Variants in ATXN2 observed in about 807,000 individuals in gnomAD.
ATXN2 encodes ataxin 2.
Under a neutral mutation model 138.6 loss-of-function variants are expected in ATXN2, and 37 were observed. The ratio of observed to expected loss-of-function variants is 0.27; its 90% CI spans 0.21 to 0.35. ATXN2 has a LOEUF of 0.35. ATXN2 is among the 10% of genes least tolerant of loss of function. The pLI, the probability that ATXN2 is intolerant of heterozygous loss-of-function variation, is 1.00. For missense variants in ATXN2, 1,216 were observed against 1,480.3 expected (o/e 0.82, Z 2.93); for synonymous variants, 549 against 543.7 (o/e 1.01, Z -0.13).
chr12:111,493,984 G>A (rs1382420509), intron 14 of ATXN2, among the ~76,000 whole-genome samples: 1 of 151,972 alleles, frequency 6.6e-6, no homozygotes. Context: ...AGACTGGAGT[G>A]CAGTGGCGCA....
intron 1 of ATXN2, among the ~76,000 whole-genome samples, chr12:111,566,754 A>C (rs1173141838): frequency 6.6e-6 from 1 of 151,840 alleles, no homozygotes. Context: ...CTCCTGCCTC[A>C]GTCTCCCAAG....
intron 14 of ATXN2, among the ~76,000 whole-genome samples, chr12:111,502,160 T>A (rs916034842): frequency 6.6e-6 from 1 of 152,218 alleles, no homozygotes; most frequent in African/African-American, 2.4e-5. Flanking sequence ...CCCAAAGTGC[T>A]AAGATTCAGG....
chr12:111,501,842 G>C (rs1878789300), intron 14 of ATXN2, among the ~76,000 whole-genome samples: 1 of 151,842 alleles, frequency 6.6e-6, no homozygotes, highest in African/African-American at 2.4e-5. Context: ...TTTTGGTGTT[G>C]CTTTTTCTTA....
chr12:111,491,389 C>T (rs1332113809), intron 14 of ATXN2, among the ~76,000 whole-genome samples: 1 of 152,086 alleles, frequency 6.6e-6, no homozygotes, highest in East Asian at 1.9e-4. Context: ...CTGTGCTGGG[C>T]TCATAGTCAG....
At position 111,457,337 on chromosome 12, in the gene ATXN2, C is replaced by T. The variant is rs1443269634; in HGVS notation, c.2919G>A (p.Gln973=). ...YFAISTGSLA[Q]QYAHPNATLH... ...GGGTAGCGTTAGGGTGCGCATACTG[C>T]TGAGCAAGGGAGCCCGTGGAAACTA... Residue 973 remains glutamine, a synonymous_variant, in exon 22 of 25, where the codon CAG becomes CAA. Transcript: ENST00000673436. The T allele has an allele frequency of 6.2e-7, 1 of 1,612,218 alleles. No individual in the cohort carries two copies. The highest frequency in any genetic ancestry group is 1.3e-5 in the African/African-American group (1 of 74,808).
At chr12:111,562,393 G>A (rs959994987) in intron 1 of ATXN2, among the ~76,000 whole-genome samples, 2 of 152,028 alleles carry the variant, frequency 1.3e-5, no homozygotes, top group Non-Finnish European at 2.9e-5. Context: ...CTGCACTCCA[G>A]CCTTGGTGAC....
intron 17 of ATXN2, among the ~76,000 whole-genome samples, 181 bp downstream of exon 17, chr12:111,485,532 A>G (rs913958978): frequency 6.6e-6 from 1 of 152,204 alleles, no homozygotes; most frequent in Admixed American, 6.6e-5. Context: ...TCTTTTTCAC[A>G]GAAAACATTC....
chr12:111,561,262 G>A (rs1340436271), intron 1 of ATXN2, among the ~76,000 whole-genome samples: 1 of 151,970 alleles, frequency 6.6e-6, no homozygotes, highest in African/African-American at 2.4e-5. Flanking sequence ...GGGAGGCCAA[G>A]GCAGGTGGAT....
Position 111,501,745 on chromosome 12 carries a change from T to A in ATXN2, c.1935+7804A>T, listed in dbSNP as rs371765267. The stretch of plus-strand genomic sequence containing the variant: ...TCACAAAAATCTTTAGTAGAGGCGA[T>A]CCACATAACAGACCAACTATATATA... On this transcript the variant is annotated intron_variant, in intron 14 of 24. Coordinates refer to ENST00000673436, the MANE Select transcript of ATXN2 (RefSeq NM_001372574.1). Among the ~76,000 whole-genome samples the A allele has an allele frequency of 3.0e-4, 46 of 152,330 alleles. 1 individual carries two copies. The South Asian group carries it at 7.5e-3, about 25-fold the overall frequency.
intron 18 of ATXN2, among the ~76,000 whole-genome samples, chr12:111,475,176 T>G (rs1161913571): frequency 6.6e-6 from 1 of 151,404 alleles, no homozygotes; most frequent in Non-Finnish European, 1.5e-5. Flanking sequence ...ATCGCATCAC[T>G]GCACTCCAGC....
intron 1 of ATXN2, among the ~76,000 whole-genome samples, chr12:111,576,423 C>T (rs1197515994): frequency 6.6e-6 from 1 of 152,050 alleles, no homozygotes; most frequent in Non-Finnish European, 1.5e-5. Flanking sequence ...CCAACCTGGG[C>T]AACAGAGTGA....
At position 111,598,378 on chromosome 12, in the gene ATXN2, C is replaced by G. The variant is rs879530614; in HGVS notation, c.251+406G>C. ...AAACGCCACCACAGCCTCCAGACCC[C>G]TCCAACGTTCACACCTAAACCGGGA... On this transcript the variant is annotated intron_variant, in intron 1 of 24. Coordinates refer to ENST00000673436, the MANE Select transcript of ATXN2 (RefSeq NM_001372574.1). This position sits in a 1 kb window ranked among gnomAD's most constrained non-coding sequence, Gnocchi z 4.5. The G allele has an allele frequency of 8.0e-5, 79 of 987,114 alleles. No individual in the cohort carries two copies. Among genetic ancestry groups the G allele is most frequent in the Non-Finnish European group, 9.3e-5 (77 of 830,980 alleles). 61.1% of individuals were successfully genotyped at this position (987,114 alleles called of 1,614,324 possible).
At chr12:111,533,163 A>G (rs1490652774) in intron 5 of ATXN2, among the ~76,000 whole-genome samples, 2 of 152,236 alleles carry the variant, frequency 1.3e-5, no homozygotes, top group Admixed American at 6.5e-5. Flanking sequence ...GTGGAGGTGA[A>G]AGGGATGTAT....
At chr12:111,539,469 C>T (rs930885280) in intron 5 of ATXN2, among the ~76,000 whole-genome samples, 5 of 150,188 alleles carry the variant, frequency 3.3e-5, no homozygotes, top group East Asian at 1.9e-4. Flanking sequence ...AAAAGAAGGC[C>T]GGGTGCGATG....
chr12:111,597,337 C>T (rs937247098), intron 1 of ATXN2, among the ~76,000 whole-genome samples: 1 of 152,162 alleles, frequency 6.6e-6, no homozygotes, highest in Admixed American at 6.6e-5. Flanking sequence ...AATGAAAAAT[C>T]CTCTTATTCC....
chr12:111,471,005 G>T, intron 18 of ATXN2: 1 of 446,852 alleles, frequency 2.2e-6, no homozygotes, highest in South Asian at 2.8e-5. Context: ...TTCCTCAGAG[G>T]GACTTTCTCT....
At chr12:111,567,260 G>C (rs1883062040) in intron 1 of ATXN2, among the ~76,000 whole-genome samples, 1 of 152,010 alleles carries the variant, frequency 6.6e-6, no homozygotes, top group Admixed American at 6.6e-5. Flanking sequence ...CCAGCACTTT[G>C]CGAAGTTGAG....
intron 5 of ATXN2, among the ~76,000 whole-genome samples, chr12:111,542,317 G>A (rs1005481306): frequency 2.6e-5 from 4 of 151,690 alleles, no homozygotes; most frequent in East Asian, 1.9e-4. Context: ...TGCAAACTCC[G>A]TCTCCTGGAT....
intron 2 of ATXN2, among the ~76,000 whole-genome samples, chr12:111,555,163 C>G (rs1480465333): frequency 6.6e-6 from 1 of 152,028 alleles, no homozygotes; most frequent in Non-Finnish European, 1.5e-5. Flanking sequence ...AGAAAAAAAG[C>G]ACATTAATTC....
Sources: gnomAD v4.1 joint callset for allele counts (sites outside exome capture counted in the v4.1 genomes callset) on GRCh38, gnomAD v4.1.1 for gene constraint, Gnocchi (gnomAD v3.1) non-coding constraint, MANE v1.5 for transcripts, NCBI Gene and HGNC (gene_info 2026-07-23, HGNC 2026-07-21) for gene names.